Variants in TRPV1 observed in about 807,000 individuals in gnomAD.
TRPV1 encodes the protein transient receptor potential cation channel subfamily V member 1.
Under a neutral mutation model 82.3 loss-of-function variants are expected in TRPV1, and 82 were observed. The observed-to-expected ratio is 1.00, with a 90% CI of 0.83 to 1.20. TRPV1 has a LOEUF of 1.20. Ranked by LOEUF, TRPV1 falls within the 50% of genes most tolerant of loss-of-function variation. The pLI is 0.00. For missense variants in TRPV1, 1,067 were observed against 1,096.8 expected (o/e 0.97, Z 0.38); for synonymous variants, 515 against 467.7 (o/e 1.10, Z -1.30).
intron 9 of TRPV1, 22 bp from the exon 10 acceptor site, chr17:3,583,452 G>C (rs1370033239): frequency 2.6e-6 from 4 of 1,559,400 alleles, no homozygotes; most frequent in Non-Finnish European, 3.5e-6. Context: ...AGAGAAGTTG[G>C]TAACTCCATT....
intron 9 of TRPV1, among the ~76,000 whole-genome samples, chr17:3,584,220 C>T (rs1017154374): frequency 2.6e-5 from 4 of 151,588 alleles, no homozygotes; most frequent in Admixed American, 1.3e-4. Flanking sequence ...GCCAAGGTGG[C>T]GCCACTGCAC....
chr17:3,584,405 A>G (rs1331145233), intron 9 of TRPV1, among the ~76,000 whole-genome samples: 22 of 47,842 alleles, frequency 4.6e-4, no homozygotes, highest in African/African-American at 1.8e-3. Context: ...TCTGTCTCAA[A>G]AAAAAAAAAA....
chr17:3,591,209 G>T lies in TRPV1; in HGVS notation c.429C>A (p.His143Gln). The change falls in exon 4 of 17, where the codon CAC (histidine) becomes CAA (glutamine). Residue 143 changes from histidine (H) to glutamine (Q), a missense_variant. Coordinates refer to ENST00000572705, the MANE Select transcript of TRPV1 (RefSeq NM_080704.4). ...CACCTTTGAACTCGTTGTCTGTGAG[G>T]TGCTTCTTGCTCTTCTGCAGGAAGA... ...LLLFLQKSKK[H>Q]LTDNEFKDPE... 1 of 1,611,666 alleles carries T rather than the reference G, an allele frequency of 6.2e-7. No individual in the cohort carries two copies. Among genetic ancestry groups the T allele is most frequent in the Non-Finnish European group, 8.5e-7 (1 of 1,179,070 alleles).
chr17:3,586,769 C>T (rs953454533), intron 8 of TRPV1, among the ~76,000 whole-genome samples: 3 of 152,078 alleles, frequency 2.0e-5, no homozygotes, highest in South Asian at 2.1e-4. Context: ...AAGACTCTGT[C>T]TCAAAATATA....
At chr17:3,582,461 G>T (rs2075033215) in intron 10 of TRPV1, among the ~76,000 whole-genome samples, 1 of 151,938 alleles carries the variant, frequency 6.6e-6, no homozygotes, top group African/African-American at 2.4e-5. Flanking sequence ...TCTACATTCA[G>T]ACTTTTTTGT....
At chr17:3,596,409 G>A (rs1170824594) in intron 2 of TRPV1, among the ~76,000 whole-genome samples, 1 of 152,216 alleles carries the variant, frequency 6.6e-6, no homozygotes, top group Non-Finnish European at 1.5e-5. Context: ...ATTATTCTCA[G>A]TAGTCCCTTC....
Position 3,588,375 on chromosome 17 carries a change from C to T in TRPV1, c.1045-8G>A, listed in dbSNP as rs199543559. On this transcript the variant is annotated splice_polypyrimidine_tract_variant and splice_region_variant and intron_variant, in intron 7 of 16. Transcript: ENST00000572705. ...GAGAATATAGGCCAAGACCTGCCCC[C>T]GGGGAGCAAGAGCCCGTCAGAGGCC... is the stretch of plus-strand genomic sequence containing the variant. 31 of 1,551,534 alleles carry T rather than the reference C, an allele frequency of 2.0e-5. No individual in the cohort carries two copies. In the Admixed American group the frequency reaches 2.3e-4, roughly 12 times the overall value.
intron 2 of TRPV1, among the ~76,000 whole-genome samples, chr17:3,602,950 C>T (rs1371446610): frequency 3.3e-5 from 5 of 151,984 alleles, no homozygotes; most frequent in African/African-American, 7.3e-5. Flanking sequence ...GGAGAAACCC[C>T]GTCTCTACTA....
intron 7 of TRPV1, among the ~76,000 whole-genome samples, chr17:3,589,231 G>A (rs2150846368): frequency 1.5e-5 from 2 of 134,382 alleles, no homozygotes; most frequent in Middle Eastern, 8.5e-3. Context: ...TTTTGAGACA[G>A]AGTCTTGCTC....
Position 3,591,347 on chromosome 17 carries a change from C to T in TRPV1, c.291G>A (p.Leu97=). Residue 97 remains leucine, a synonymous_variant, in exon 4 of 17, where the codon CTG becomes CTA. Coordinates refer to ENST00000572705, the MANE Select transcript of TRPV1 (RefSeq NM_080704.4). ...TGCTGGCGGCGACAGAGTCCTGGGA[C>T]AGCAGCCTGTGGGCCAGAAAACACG... is the stretch of plus-strand genomic sequence containing the variant. ...PGDGPTGARL[L]SQDSVAASTE... The T allele has an allele frequency of 6.4e-7, 1 of 1,574,748 alleles. No homozygotes were observed. The highest frequency in any genetic ancestry group is 8.6e-7 in the Non-Finnish European group (1 of 1,162,012).
chr17:3,592,196 T>C lies in TRPV1; in HGVS notation c.155A>G (p.Lys52Arg). The C allele has an allele frequency of 2.5e-6, 4 of 1,613,384 alleles. No homozygotes were observed. Among genetic ancestry groups the C allele is most frequent in the Non-Finnish European group, 3.4e-6 (4 of 1,179,650 alleles). ...CGGGAAAGCCTCCTCCGAGTCACCC[T>C]TCCCAAAGAGCCGGGTGCGGCTCTT... ...TAKSRTRLFGKGDSEEAFPVD... is the reference protein window; with the variant it reads ...TAKSRTRLFGRGDSEEAFPVD... The change falls in exon 3 of 17, where the codon AAG becomes AGG. Residue 52 changes from lysine (K) to arginine (R), a missense_variant. By Grantham distance (26) the Lys-to-Arg change is conservative. Coordinates refer to ENST00000572705, the MANE Select transcript of TRPV1 (RefSeq NM_080704.4).
Position 3,573,655 on chromosome 17 carries a change from C to T in TRPV1, c.2081G>A (p.Ser694Asn). The T allele has an allele frequency of 6.2e-7, 1 of 1,613,412 alleles. No homozygotes were observed. The highest frequency in any genetic ancestry group is 8.5e-7 in the Non-Finnish European group (1 of 1,179,812). Residue 694 changes from serine to asparagine, a missense_variant, in exon 14 of 17, where the codon AGC (serine) becomes AAC (asparagine). Transcript: ENST00000572705. Reference sequence around the variant, plus strand: ...CACCTGCAGCTTCCAGATGTTCTTGCTCTCCTGTGCGATCTTGTTGACAGT... The same window carrying T: ...CACCTGCAGCTTCCAGATGTTCTTGTTCTCCTGTGCGATCTTGTTGACAGT... ...GETVNKIAQESKNIWKLQRAI... is the reference protein window; with the variant it reads ...GETVNKIAQENKNIWKLQRAI...
In TRPV1 at chr17:3,573,966, C is replaced by G. The variant is rs747002124; in HGVS notation, c.1781-11G>C. Reference sequence around the variant, plus strand: ...TCAGCGTCACCACCGCTACAGGGCACAGGGAGGGCGGGGTGCCACTGGATA... The same window carrying G: ...TCAGCGTCACCACCGCTACAGGGCAGAGGGAGGGCGGGGTGCCACTGGATA... On this transcript the variant is annotated splice_polypyrimidine_tract_variant and intron_variant, in intron 13 of 16. Coordinates refer to ENST00000572705, the MANE Select transcript of TRPV1 (RefSeq NM_080704.4). 2 of 1,582,380 alleles carry G rather than the reference C, an allele frequency of 1.3e-6. No individual in the cohort carries two copies. Among genetic ancestry groups the G allele is most frequent in the Non-Finnish European group, 1.7e-6 (2 of 1,166,634 alleles).
intron 2 of TRPV1, chr17:3,592,656 T>C: frequency 2.3e-6 from 1 of 435,846 alleles, no homozygotes; most frequent in Non-Finnish European, 4.2e-6. Context: ...CAGAGCCATC[T>C]GTGGTTCTGG....
intron 2 of TRPV1, among the ~76,000 whole-genome samples, chr17:3,593,081 CGTGTGTGTGTGTGTGTGT>C (rs57419633): frequency 0.033 from 3,697 of 112,724 alleles, 87 homozygotes; most frequent in Middle Eastern, 0.045. Flanking sequence ...AATGTTTAGG[CGTGTGTGTGTGTGTGTGT>C]GTGTGTGTGT....
intron 2 of TRPV1, among the ~76,000 whole-genome samples, chr17:3,598,565 T>C (rs918275783): frequency 9.3e-4 from 126 of 134,798 alleles, no homozygotes; most frequent in African/African-American, 3.3e-3. Flanking sequence ...CTTAGTCACT[T>C]TTTTTTTTTT....
intron 7 of TRPV1, chr17:3,588,826 A>AC (rs201774093): frequency 0.19 from 246,209 of 1,267,198 alleles, 12,759 homozygotes; most frequent in East Asian, 0.39. Flanking sequence ...AAAAAAAAAA[A>AC]AAAACAAAAC....
At chr17:3,571,672 C>T (rs1183107017) in intron 15 of TRPV1, 33 bp from the exon 16 acceptor site, 7 of 1,535,780 alleles carry the variant, frequency 4.6e-6, no homozygotes, top group Non-Finnish European at 6.2e-6. Context: ...AGCCTGAGAG[C>T]TGTGCCCAGC....
chr17:3,578,884 A>T (rs2074969938), intron 11 of TRPV1: 1 of 152,206 alleles, frequency 6.6e-6, no homozygotes, highest in African/African-American at 2.4e-5. Context: ...AGCAACATGG[A>T]TGTAGCTGGA....
Sources: gnomAD v4.1 joint callset for allele counts (sites outside exome capture counted in the v4.1 genomes callset) on GRCh38, gnomAD v4.1.1 for gene constraint, MANE v1.5 for transcripts, NCBI Gene and HGNC (gene_info 2026-07-23, HGNC 2026-07-21) for gene names.